PRKCZ: variants seen among roughly 807,000 people sequenced by gnomAD.
PRKCZ encodes protein kinase C zeta.
Under a neutral mutation model 79.5 loss-of-function variants are expected in PRKCZ, and 33 were observed. The observed-to-expected ratio is 0.41, with a 90% CI of 0.31 to 0.55. PRKCZ has a LOEUF of 0.55. Among genes scored for constraint, PRKCZ ranks in the 20% least tolerant of loss-of-function variants. PRKCZ has a pLI of 0.19. For synonymous variants in PRKCZ, 342 were observed against 320.9 expected (o/e 1.07, Z -0.70); for missense variants, 578 against 813.5 (o/e 0.71, Z 3.52).
chr1:2,161,874 A>G (rs1682389662), intron 10 of PRKCZ, among the ~76,000 whole-genome samples: 2 of 151,980 alleles, frequency 1.3e-5, no homozygotes, highest in South Asian at 4.2e-4. Context: ...AGGAACTTTC[A>G]GGACCGGTCC....
intron 3 of PRKCZ, among the ~76,000 whole-genome samples, chr1:2,057,889 T>C (rs534033053): frequency 1.3e-5 from 2 of 149,354 alleles, no homozygotes; most frequent in Admixed American, 1.3e-4. Flanking sequence ...TTTTTTTTAG[T>C]TGGAGTCTCG....
At chr1:2,083,599 A>G (rs1663976017) in intron 4 of PRKCZ, among the ~76,000 whole-genome samples, 1 of 152,204 alleles carries the variant, frequency 6.6e-6, no homozygotes, top group Non-Finnish European at 1.5e-5. Context: ...CGGTTGAGCC[A>G]TCACACCTGC....
intron 4 of PRKCZ, among the ~76,000 whole-genome samples, chr1:2,087,860 C>T (rs535607161): frequency 7.2e-5 from 11 of 152,312 alleles, no homozygotes; most frequent in African/African-American, 1.4e-4. Flanking sequence ...CCTGTCCGGG[C>T]ACCGGGGGCA....
At chr1:2,065,377 T>C (rs557114098) in intron 4 of PRKCZ, among the ~76,000 whole-genome samples, 33 of 152,272 alleles carry the variant, frequency 2.2e-4, no homozygotes, top group African/African-American at 7.7e-4. Context: ...ACTACTCTGT[T>C]GAATAAAAGT....
intron 4 of PRKCZ, 72 bp downstream of exon 4, chr1:2,059,663 G>C (rs903955790): frequency 4.4e-5 from 69 of 1,575,980 alleles, no homozygotes; most frequent in Non-Finnish European, 6.0e-5. Context: ...GTGCCACGGA[G>C]GTGGCAGTGG....
At chr1:2,056,660 T>C in intron 3 of PRKCZ, 87 bp downstream of exon 3, 2 of 1,220,004 alleles carry the variant, frequency 1.6e-6, no homozygotes, top group East Asian at 2.6e-5. Flanking sequence ...TTTAAAATGG[T>C]TTAAAATCCT....
intron 4 of PRKCZ, among the ~76,000 whole-genome samples, chr1:2,098,016 C>T (rs565893299): frequency 3.3e-5 from 5 of 151,884 alleles, no homozygotes; most frequent in East Asian, 3.9e-4. Flanking sequence ...GCCGGAGTGG[C>T]GGGGTGAATA....
intron 4 of PRKCZ, among the ~76,000 whole-genome samples, chr1:2,087,193 G>T (rs1366370011): frequency 6.6e-6 from 1 of 151,716 alleles, no homozygotes; most frequent in Non-Finnish European, 1.5e-5. Flanking sequence ...ATTGATTCTC[G>T]CACCTCAGCC....
intron 6 of PRKCZ, 109 bp from the exon 7 acceptor site, chr1:2,145,918 G>A: frequency 2.2e-6 from 2 of 927,312 alleles, no homozygotes; most frequent in Non-Finnish European, 3.4e-6. Context: ...GACCCTGTCT[G>A]TAAAAAAAAG....
chr1:2,144,469 T>C, intron 6 of PRKCZ, 128 bp downstream of exon 6: 2 of 1,464,612 alleles, frequency 1.4e-6, no homozygotes, highest in Non-Finnish European at 1.8e-6. Flanking sequence ...GTCCTAGCTC[T>C]GGGCTGCAGC....
intron 1 of PRKCZ, 192 bp downstream of exon 1, chr1:2,050,893 G>T: frequency 2.6e-6 from 1 of 391,242 alleles, no homozygotes; most frequent in Admixed American, 4.6e-5. Flanking sequence ...GACAGCGCGG[G>T]CTCCTTCCCC....
intron 4 of PRKCZ, among the ~76,000 whole-genome samples, chr1:2,081,728 C>T (rs974425534): frequency 3.5e-4 from 54 of 152,128 alleles, no homozygotes; most frequent in Non-Finnish European, 6.3e-4. Context: ...GGGTCAGCAG[C>T]CCAGGCTCTG....
intron 4 of PRKCZ, among the ~76,000 whole-genome samples, chr1:2,062,476 T>C (rs982460885): frequency 6.6e-6 from 1 of 151,306 alleles, no homozygotes; most frequent in African/African-American, 2.4e-5. Flanking sequence ...ATTTTTGCCA[T>C]CTTAACTTTT....
intron 8 of PRKCZ, among the ~76,000 whole-genome samples, chr1:2,150,113 G>A (rs1301949377): frequency 7.0e-6 from 1 of 142,164 alleles, no homozygotes; most frequent in Non-Finnish European, 1.5e-5. Context: ...AGTGAGTCGA[G>A]ATCGTGCCAC....
chr1:2,091,819 C>T lies in PRKCZ; in HGVS notation c.334+32228C>T, dbSNP rs1007903093. Reference sequence around the variant, plus strand: ...CCAGGTGGGAGCAGCAGGGGGCGTCCGAGGGCCCTGACCCCAGGCGGGAGG... The same window carrying T: ...CCAGGTGGGAGCAGCAGGGGGCGTCTGAGGGCCCTGACCCCAGGCGGGAGG... On this transcript the variant is annotated intron_variant, in intron 4 of 17. Coordinates refer to ENST00000378567, the MANE Select transcript of PRKCZ (RefSeq NM_002744.6). Among the ~76,000 whole-genome samples, 12 of 152,292 alleles carry T rather than the reference C, an allele frequency of 7.9e-5. 1 individual carries two copies. The highest frequency in any genetic ancestry group is 4.6e-4 in the Admixed American group (7 of 15,292).
chr1:2,090,873 G>A lies in PRKCZ; in HGVS notation c.334+31282G>A, dbSNP rs138070702. 7.2e-3 allele frequency among the ~76,000 whole-genome samples: 1,094 copies of A among 152,308 alleles called. 16 individuals are homozygous for A. Among genetic ancestry groups the A allele is most frequent in the African/African-American group, 0.025 (1,026 of 41,556 alleles). On this transcript the variant is annotated intron_variant, in intron 4 of 17. Transcript: ENST00000378567. Reference sequence around the variant, plus strand: ...CAAATGGTTTATCCATATTAATTTAGCTCTCCCTGTGGAATTTGTAGGACC... The same window carrying A: ...CAAATGGTTTATCCATATTAATTTAACTCTCCCTGTGGAATTTGTAGGACC...
At chr1:2,062,881 T>C (rs2102259245) in intron 4 of PRKCZ, among the ~76,000 whole-genome samples, 1 of 152,206 alleles carries the variant, frequency 6.6e-6, no homozygotes, top group East Asian at 1.9e-4. Context: ...TCCAGAACTC[T>C]CTTCATCTTC....
intron 4 of PRKCZ, chr1:2,074,183 G>A (rs77218351): frequency 6.5e-6 from 10 of 1,549,836 alleles, no homozygotes; most frequent in South Asian, 4.8e-5. Flanking sequence ...GTTGTTTTGC[G>A]GGTGACAGAT....
chr1:2,138,327 C>T (rs1676639988), intron 5 of PRKCZ, among the ~76,000 whole-genome samples: 1 of 152,158 alleles, frequency 6.6e-6, no homozygotes, highest in Admixed American at 6.5e-5. Flanking sequence ...TGCCCTTGGA[C>T]TTTGAGAAGG....
Sources: allele counts gnomAD v4.1 joint callset (sites outside exome capture counted in the v4.1 genomes callset), GRCh38; gene constraint gnomAD v4.1.1; transcripts MANE v1.5; gene names NCBI Gene and HGNC (gene_info 2026-07-23, HGNC 2026-07-21).